CHL1: variants seen among roughly 807,000 people sequenced by gnomAD.
CHL1 encodes the protein neural cell adhesion molecule L1-like protein.
A neutral mutation model predicts 141.9 loss-of-function variants in CHL1; 96 were observed. The ratio of observed to expected loss-of-function variants is 0.68; its 90% confidence interval spans 0.57 to 0.80. The LOEUF is 0.80. Ranked by LOEUF, CHL1 falls within the 30% of genes least tolerant of loss-of-function variation. The pLI is 0.00. For synonymous variants in CHL1, 613 were observed against 502.2 expected (o/e 1.22, Z -2.95); for missense variants, 1,820 against 1,457.2 (o/e 1.25, Z -4.05).
rs117216265 is a variant in CHL1 at position 348,751 on chromosome 3, C to T, written c.849-608C>T. On this transcript the variant is annotated intron_variant, in intron 9 of 27. Transcript: ENST00000256509. ...TTCATTCCTCCTTTCCTCTGCTTCCCGACAAGGGCGAGAACGTGATCCAGG... is the reference window on the plus strand; with the variant it reads ...TTCATTCCTCCTTTCCTCTGCTTCCTGACAAGGGCGAGAACGTGATCCAGG... Among the ~76,000 whole-genome samples, 222 of 152,316 alleles carry T rather than the reference C, an allele frequency of 1.5e-3. 3 individuals carry two copies. In the East Asian group the frequency reaches 0.038, roughly 26 times the overall value.
At chr3:246,240 T>C (rs989360535) in intron 2 of CHL1, among the ~76,000 whole-genome samples, 12 of 152,098 alleles carry the variant, frequency 7.9e-5, no homozygotes, top group African/African-American at 2.7e-4. Context: ...GAAACTGTAA[T>C]TGTGGTTGTG....
intron 25 of CHL1, 122 bp from the exon 26 acceptor site, chr3:398,895 G>C: frequency 1.2e-6 from 1 of 800,446 alleles, no homozygotes; most frequent in Admixed American, 2.1e-5. Context: ...TTCCTTCTGG[G>C]GTCATTAAAA....
chr3:289,931 C>CTTTTTTT (rs769872997), intron 2 of CHL1, among the ~76,000 whole-genome samples: 13 of 102,766 alleles, frequency 1.3e-4, no homozygotes, highest in Admixed American at 2.3e-4. Context: ...CCACTGGTAT[C>CTTTTTTT]TTTTTTTTTT....
intron 2 of CHL1, among the ~76,000 whole-genome samples, chr3:279,328 C>T (rs1696430873): frequency 6.6e-6 from 1 of 151,972 alleles, no homozygotes; most frequent in African/African-American, 2.4e-5. Context: ...TTTGCAGAGC[C>T]TTAAGCTTCT....
Position 344,601 on chromosome 3 carries a change from A to G in CHL1, c.740A>G (p.Lys247Arg), listed in dbSNP as rs977324715. 6 of 1,610,500 alleles carry G rather than the reference A, an allele frequency of 3.7e-6. No homozygotes were observed. The highest frequency in any genetic ancestry group is 5.1e-6 in the Non-Finnish European group (6 of 1,178,600). ...TEIGSKANSI[K>R]QRKPKLLLPP... ...TTCTATTTTGTAGCAAATTCCATCAAGCAAAGAAAACCCAAACTGCTGTTG... is the reference window on the plus strand; with the variant it reads ...TTCTATTTTGTAGCAAATTCCATCAGGCAAAGAAAACCCAAACTGCTGTTG... The change falls in exon 9 of 28, where the codon AAG (lysine) becomes AGG (arginine). Residue 247 changes from lysine to arginine, a missense_variant. Coordinates refer to ENST00000256509, the MANE Select transcript of CHL1 (RefSeq NM_006614.4).
At chr3:377,008 C>A (rs1706409101) in intron 15 of CHL1, among the ~76,000 whole-genome samples, 2 of 152,150 alleles carry the variant, frequency 1.3e-5, no homozygotes, top group African/African-American at 4.8e-5. Context: ...ATTATGTGAG[C>A]CTCCTTTCCT....
At chr3:198,462 C>G (rs1698608837) in intron 1 of CHL1, among the ~76,000 whole-genome samples, 1 of 152,190 alleles carries the variant, frequency 6.6e-6, no homozygotes, top group African/African-American at 2.4e-5. Flanking sequence ...GGGACGCCCA[C>G]GTGGCTTCGA....
chr3:382,046 G>C (rs1707107191), intron 16 of CHL1, 133 bp from the exon 17 acceptor site: 1 of 524,796 alleles, frequency 1.9e-6, no homozygotes, highest in Non-Finnish European at 3.3e-6. Flanking sequence ...TGTGGGGTGG[G>C]GGGCGGGGGT....
At chr3:322,490 C>A (rs1038835285) in intron 3 of CHL1, among the ~76,000 whole-genome samples, 1 of 148,552 alleles carries the variant, frequency 6.7e-6, no homozygotes, top group East Asian at 2.0e-4. Flanking sequence ...ATTTTCACTG[C>A]GTTGTCATTT....
At chr3:270,661 C>G (rs2125243007) in intron 2 of CHL1, among the ~76,000 whole-genome samples, 1 of 152,280 alleles carries the variant, frequency 6.6e-6, no homozygotes, top group East Asian at 1.9e-4. Context: ...TTATTTTGCT[C>G]ACGATATTGT....
At chr3:309,855 G>A (rs375558586) in intron 2 of CHL1, among the ~76,000 whole-genome samples, 3 of 152,142 alleles carry the variant, frequency 2.0e-5, no homozygotes, top group South Asian at 2.1e-4. Context: ...AAATGTAACT[G>A]TAAGTTGTAA....
chr3:292,551 G>A (rs1697785890), intron 2 of CHL1, among the ~76,000 whole-genome samples: 1 of 152,084 alleles, frequency 6.6e-6, no homozygotes, highest in African/African-American at 2.4e-5. Flanking sequence ...AAATCTTATT[G>A]GGGGCAAAAA....
At chr3:319,439 T>A (rs1192282708) in intron 2 of CHL1, among the ~76,000 whole-genome samples, 1 of 151,804 alleles carries the variant, frequency 6.6e-6, no homozygotes, top group African/African-American at 2.4e-5. Flanking sequence ...AAGTAAAACT[T>A]CCTCTGACTT....
intron 1 of CHL1, among the ~76,000 whole-genome samples, chr3:214,913 G>C (rs927199907): frequency 1.3e-5 from 2 of 151,852 alleles, no homozygotes; most frequent in Non-Finnish European, 2.9e-5. Flanking sequence ...GTATAATTTA[G>C]AGATTATAAA....
intron 15 of CHL1, among the ~76,000 whole-genome samples, chr3:375,836 C>G (rs1706243951): frequency 6.6e-6 from 1 of 152,134 alleles, no homozygotes; most frequent in Non-Finnish European, 1.5e-5. Flanking sequence ...ATTGATGGAA[C>G]TGAGCCGCAA....
Position 405,708 on chromosome 3 carries a change from A to G in CHL1, c.3672A>G (p.Ala1224=), listed in dbSNP as rs778394932. The G allele has an allele frequency of 1.2e-6, 2 of 1,611,696 alleles. No homozygotes were observed. The highest frequency in any genetic ancestry group is 2.2e-5 in the East Asian group (1 of 44,852). The change falls in exon 28 of 28, where the codon GCA becomes GCG. Residue 1224 remains alanine, a synonymous_variant. Transcript: ENST00000256509. ...CTACAGCAACTTTTCCCCTTCGGGC[A>G]TAAACACAACATATGTAAGCAACGC... is the stretch of plus-strand genomic sequence containing the variant. ...GSSTATFPLR[A]
At chr3:345,013 AAAAT>A (rs1243320309) in intron 9 of CHL1, among the ~76,000 whole-genome samples, 1 of 152,120 alleles carries the variant, frequency 6.6e-6, no homozygotes, top group African/African-American at 2.4e-5. Context: ...TAAAATTAAT[AAAAT>A]AAAATAAATA....
chr3:325,824 A>T, intron 3 of CHL1, 135 bp from the exon 4 acceptor site: 1 of 542,438 alleles, frequency 1.8e-6, no homozygotes, highest in South Asian at 3.0e-5. Context: ...AGAGAGTGAG[A>T]TTTATTCTGA....
At chr3:373,527 C>T (rs1023493089) in intron 15 of CHL1, 4 of 152,512 alleles carry the variant, frequency 2.6e-5, no homozygotes, top group African/African-American at 9.6e-5. Context: ...TGCCTCTCCC[C>T]CACCCAGGGA....
Sources: gnomAD v4.1 joint callset for allele counts (sites outside exome capture counted in the v4.1 genomes callset) on GRCh38, gnomAD v4.1.1 for gene constraint, MANE v1.5 for transcripts, NCBI Gene and HGNC (gene_info 2026-07-23, HGNC 2026-07-21) for gene names.